TMED3: variants seen among roughly 807,000 people sequenced by gnomAD.
The protein encoded by TMED3 is transmembrane p24 trafficking protein 3, also known as transmembrane emp24 domain-containing protein 3.
TMED3 carries 9 observed loss-of-function variants against 15.0 expected under a neutral mutation model. That is an observed-to-expected ratio of 0.60 (90% CI 0.36 to 1.04). TMED3 has a LOEUF of 1.04. TMED3 is among the 50% of genes least tolerant of loss of function. TMED3 has a pLI of 0.01. For missense variants in TMED3, 267 were observed against 278.9 expected (o/e 0.96, Z 0.30); for synonymous variants, 117 against 121.4 (o/e 0.96, Z 0.24).
chr15:79,396,619 T>C (rs1226136384), intron 2 of TMED3, among the ~76,000 whole-genome samples: 3 of 152,254 alleles, frequency 2.0e-5, no homozygotes, highest in Non-Finnish European at 2.9e-5. Flanking sequence ...CGGCGATTTA[T>C]GATCTAGCTT....
chr15:79,391,438 T>G (rs1483689278), intron 2 of TMED3, among the ~76,000 whole-genome samples: 1 of 152,190 alleles, frequency 6.6e-6, no homozygotes, highest in Non-Finnish European at 1.5e-5. Context: ...GAGAGCATGC[T>G]TGATATAATT....
At chr15:79,320,491 C>T (rs1350166419) in intron 2 of TMED3, among the ~76,000 whole-genome samples, 3 of 152,056 alleles carry the variant, frequency 2.0e-5, no homozygotes, top group East Asian at 1.9e-4. Context: ...TGGCTTGCCG[C>T]CCACAGGAAG....
intron 2 of TMED3, among the ~76,000 whole-genome samples, chr15:79,318,222 C>A (rs1293491181): frequency 7.2e-5 from 11 of 152,156 alleles, no homozygotes; most frequent in Non-Finnish European, 1.3e-4. Flanking sequence ...CTGGGGTGTT[C>A]CTGCCGCTCT....
chr15:79,384,431 G>A (rs1893595078), intron 2 of TMED3: 1 of 152,172 alleles, frequency 6.6e-6, no homozygotes, highest in Non-Finnish European at 1.5e-5. Flanking sequence ...ATGATGAGGG[G>A]CCTTATGCAG....
chr15:79,405,340 T>C (rs1344820960), intron 2 of TMED3, among the ~76,000 whole-genome samples: 2 of 152,160 alleles, frequency 1.3e-5, no homozygotes, highest in Non-Finnish European at 1.5e-5. Flanking sequence ...CTATATCAGA[T>C]CTCCCAGTCA....
chr15:79,348,146 A>T (rs748428033), intron 2 of TMED3, among the ~76,000 whole-genome samples: 4 of 152,208 alleles, frequency 2.6e-5, no homozygotes, highest in African/African-American at 4.8e-5. Flanking sequence ...TTAAATCATT[A>T]ACCCTCACTC....
intron 2 of TMED3, among the ~76,000 whole-genome samples, chr15:79,336,620 G>C (rs1366513355): frequency 6.6e-6 from 1 of 152,112 alleles, no homozygotes; most frequent in Non-Finnish European, 1.5e-5. Flanking sequence ...GTTGCAGTGA[G>C]CAGAGGTTGC....
At chr15:79,380,588 T>TAG (rs1491191828) in intron 2 of TMED3, among the ~76,000 whole-genome samples, 13 of 139,338 alleles carry the variant, frequency 9.3e-5, no homozygotes, top group South Asian at 9.0e-4. Context: ...GTTTTATATA[T>TAG]ATATATATAT....
chr15:79,395,013 G>GA (rs1406024628), intron 2 of TMED3, among the ~76,000 whole-genome samples: 1 of 152,116 alleles, frequency 6.6e-6, no homozygotes, highest in African/African-American at 2.4e-5. Flanking sequence ...TATGTAAGTG[G>GA]AAAAATGTTA....
intron 2 of TMED3, among the ~76,000 whole-genome samples, chr15:79,398,579 T>A (rs989146809): frequency 3.5e-5 from 4 of 113,536 alleles, no homozygotes; most frequent in African/African-American, 1.3e-4. Context: ...AGAAGATCGA[T>A]GTCCCAGCTT....
At chr15:79,401,078 C>T (rs1009832446) in intron 2 of TMED3, among the ~76,000 whole-genome samples, 3 of 152,158 alleles carry the variant, frequency 2.0e-5, no homozygotes, top group African/African-American at 7.2e-5. Context: ...TTTTACCATA[C>T]CATGGGGAGT....
chr15:79,388,159 T>G (rs1220081969), intron 2 of TMED3, among the ~76,000 whole-genome samples: 2 of 152,130 alleles, frequency 1.3e-5, no homozygotes. Flanking sequence ...TATTTTTGTC[T>G]TTTTCCCAAT....
chr15:79,395,138 T>A (rs753294099), intron 2 of TMED3, among the ~76,000 whole-genome samples: 1 of 152,158 alleles, frequency 6.6e-6, no homozygotes, highest in African/African-American at 2.4e-5. Context: ...TTTACTCAAC[T>A]CTCCTGATTT....
At chr15:79,314,131 G>C (rs2058730565) in intron 2 of TMED3, 126 bp downstream of exon 2, 3 of 1,322,330 alleles carry the variant, frequency 2.3e-6, no homozygotes, top group Non-Finnish European at 3.1e-6. Context: ...CTCAGGGTTG[G>C]TTTTGTCTCT....
chr15:79,323,493 A>G (rs182821478), downstream of TMED3, among the ~76,000 whole-genome samples: 1 of 152,324 alleles, frequency 6.6e-6, no homozygotes, highest in East Asian at 1.9e-4. Flanking sequence ...TACTGGGTAT[A>G]TATAAAAGGT....
At chr15:79,382,733 C>G (rs1893557512) in intron 2 of TMED3, among the ~76,000 whole-genome samples, 1 of 152,188 alleles carries the variant, frequency 6.6e-6, no homozygotes, top group African/African-American at 2.4e-5. Context: ...GAACTTCTAC[C>G]AGTATGGCTA....
At chr15:79,330,703 T>A (rs12913225) in intron 2 of TMED3, among the ~76,000 whole-genome samples, 113 of 152,012 alleles carry the variant, frequency 7.4e-4, no homozygotes, top group Non-Finnish European at 1.6e-4. Context: ...TATGGAACCA[T>A]AAAAGACCCC....
chr15:79,410,906 A>G (rs1165459766), intron 2 of TMED3, among the ~76,000 whole-genome samples: 1 of 152,218 alleles, frequency 6.6e-6, no homozygotes, highest in Non-Finnish European at 1.5e-5. Context: ...ATTGACAGGA[A>G]TGTCACATCT....
chr15:79,386,674 G>A (rs1893630305), intron 2 of TMED3, among the ~76,000 whole-genome samples: 1 of 150,304 alleles, frequency 6.7e-6, no homozygotes, highest in African/African-American at 2.4e-5. Context: ...GAGTAGCTGG[G>A]ATTACAGGTG....
Sources: gnomAD v4.1 joint callset for allele counts (sites outside exome capture counted in the v4.1 genomes callset) on GRCh38, gnomAD v4.1.1 for gene constraint, MANE v1.5 for transcripts, NCBI Gene and HGNC (gene_info 2026-07-23, HGNC 2026-07-21) for gene names.